SEPTIN4: variants seen among roughly 807,000 people sequenced by gnomAD.
SEPTIN4 encodes the protein septin 4.
SEPTIN4 carries 52 observed loss-of-function variants against 107.1 expected under a neutral mutation model. The ratio of observed to expected loss-of-function variants is 0.49; its 90% CI spans 0.39 to 0.61. The LOEUF (loss-of-function observed/expected upper bound fraction) is 0.61. Ranked by LOEUF, SEPTIN4 falls within the 20% of genes least tolerant of loss-of-function variation. The pLI is 0.00. For missense variants in SEPTIN4, 1,048 were observed against 1,243.5 expected, an observed-to-expected ratio of 0.84 and a Z score of 2.36; for synonymous variants, 417 against 467.0, an observed-to-expected ratio of 0.89 and a Z score of 1.38.
chr17:58,529,323 C>T (rs1350217835), intron 3 of SEPTIN4: 2 of 1,511,904 alleles, frequency 1.3e-6, no homozygotes, highest in Non-Finnish European at 1.8e-6. Flanking sequence ...TGACCCCCTT[C>T]TGTCTCTGGC....
At position 58,529,131 on chromosome 17, in the gene SEPTIN4, T is replaced by C. The variant is rs774841128; in HGVS notation, c.1615-2153A>G. 3.7e-6 allele frequency: 6 copies of C among 1,614,090 alleles called. No individual in the cohort carries two copies. The Admixed American group carries it at 8.3e-5, about 22-fold the overall frequency. ...GCACCTTACCCCAGCTTCAGTCCTG[T>C]CCTCAGGGACAGAATTCCCTTGCCA... On this transcript the variant is annotated intron_variant, in intron 3 of 13. Coordinates refer to ENST00000672673, the MANE Select transcript of SEPTIN4 (RefSeq NM_001368771.2).
chr17:58,541,912 A>G lies in SEPTIN4; in HGVS notation c.1606+10T>C. On this transcript the variant is annotated intron_variant, in intron 2 of 13. Coordinates refer to ENST00000672673, the MANE Select transcript of SEPTIN4 (RefSeq NM_001368771.2). ...CCCACAGTGGGCCCATAGGAGGGAA[A>G]AGCACAGACCTTTTAGCCACCAGAT... 1 of 1,614,062 alleles carries G rather than the reference A, an allele frequency of 6.2e-7. No individual in the cohort carries two copies. The highest frequency in any genetic ancestry group is 8.5e-7 in the Non-Finnish European group (1 of 1,179,974).
intron 3 of SEPTIN4, chr17:58,531,621 C>G (rs1017714336): frequency 5.8e-6 from 1 of 173,538 alleles, no homozygotes; most frequent in African/African-American, 2.4e-5. Flanking sequence ...GATGGGGACC[C>G]TCACCTCCGC....
At chr17:58,540,932 C>CCATT (rs1234591079) in intron 2 of SEPTIN4, 8 of 361,386 alleles carry the variant, frequency 2.2e-5, no homozygotes, top group Non-Finnish European at 3.9e-5. Context: ...TAAGAGGGAG[C>CCATT]CATTATTCTC....
At chr17:58,526,340 C>A in intron 4 of SEPTIN4, 27 bp from the exon 5 acceptor site, 1 of 1,510,414 alleles carries the variant, frequency 6.6e-7, no homozygotes, top group South Asian at 1.3e-5. Context: ...CAGAATGCAT[C>A]ACGGTGAGGA....
chr17:58,543,049 G>C lies in SEPTIN4; in HGVS notation c.1138C>G (p.Pro380Ala), dbSNP rs1314079544. The change falls in exon 1 of 14, where the codon CCA becomes GCA. Residue 380 changes from proline (P) to alanine (A), a missense_variant. Coordinates refer to ENST00000672673, the MANE Select transcript of SEPTIN4 (RefSeq NM_001368771.2). ...CCTTGGGACATGTAAGTAATTTCTG[G>C]GGGTTTTTGGGTTTGCTGTTTATAG... ...PIYKQQTQKP[P>A]EITYMSQGPT... 10 of 1,611,036 alleles carry C rather than the reference G, an allele frequency of 6.2e-6. No individual in the cohort carries two copies. The East Asian group carries it at 2.2e-4, about 36-fold the overall frequency.
At position 58,541,827 on chromosome 17, in the gene SEPTIN4, C is replaced by T. The variant is rs141193307; in HGVS notation, c.1606+95G>A. ...AAAATCCCAGCATTTATCTCCTAAACGACCCAGCTCTGTAGATACATAGAT... is the reference window on the plus strand; with the variant it reads ...AAAATCCCAGCATTTATCTCCTAAATGACCCAGCTCTGTAGATACATAGAT... On this transcript the variant is annotated intron_variant, in intron 2 of 13. Coordinates refer to ENST00000672673, the MANE Select transcript of SEPTIN4 (RefSeq NM_001368771.2). The T allele has an allele frequency of 5.0e-4, 800 of 1,613,094 alleles. 1 individual carries two copies. The highest frequency in any genetic ancestry group is 2.5e-3 in the African/African-American group (185 of 74,992).
intron 3 of SEPTIN4, chr17:58,539,267 G>T: frequency 8.7e-7 from 1 of 1,154,030 alleles, no homozygotes; most frequent in Non-Finnish European, 1.2e-6. Flanking sequence ...TGTTGCCAAG[G>T]CTTTTGACTT....
chr17:58,543,102 G>A lies in SEPTIN4; in HGVS notation c.1085C>T (p.Ser362Leu). Residue 362 changes from serine (S) to leucine (L), a missense_variant, in exon 1 of 14, where the codon TCA (serine) becomes TTA (leucine). This residue lies in a region of SEPTIN4 where 787 missense variants were observed against 871.8 expected (regional missense o/e 0.90). Transcript: ENST00000672673. ...VPSVSEGSHK[S>L]SMFVTPEPIY... ...GGGCTCTGGAGTAACAAACATGGAT[G>A]ACTTGTGGGAGCCCTCAGACACTGA... The A allele has an allele frequency of 6.2e-7, 1 of 1,612,562 alleles. No individual in the cohort carries two copies. The highest frequency in any genetic ancestry group is 8.5e-7 in the Non-Finnish European group (1 of 1,179,212).
intron 3 of SEPTIN4, among the ~76,000 whole-genome samples, chr17:58,536,876 G>A (rs2043731344): frequency 6.6e-6 from 1 of 152,226 alleles, no homozygotes; most frequent in South Asian, 2.1e-4. Context: ...CCTCACCCAA[G>A]TATGCACCCT....
chr17:58,522,654 C>CAAAAAAAA (rs1233539293), intron 7 of SEPTIN4, among the ~76,000 whole-genome samples: 2 of 52,668 alleles, frequency 3.8e-5, no homozygotes, highest in African/African-American at 6.5e-5. Context: ...CAGACTGTCA[C>CAAAAAAAA]AAAAAAAAAA....
At position 58,543,849 on chromosome 17, in the gene SEPTIN4, G is replaced by T. The variant is rs1449582158; in HGVS notation, c.338C>A (p.Ala113Asp). The T allele has an allele frequency of 1.4e-5, 22 of 1,614,056 alleles. No individual in the cohort carries two copies. The highest frequency in any genetic ancestry group is 1.9e-5 in the Non-Finnish European group (22 of 1,180,042). ...CCATTGTCTGCTTGAAGCATGGGAA[G>T]CCAGTGTCTGAGTCTTCTGGCTCTT... ...HLKSQKTQTL[A>D]SHASSRQWKV... is the part of the protein sequence containing the mutation. Residue 113 changes from alanine to aspartate, a missense_variant, in exon 1 of 14, where the codon GCT (alanine) becomes GAT (aspartate). Coordinates refer to ENST00000672673, the MANE Select transcript of SEPTIN4 (RefSeq NM_001368771.2).
intron 13 of SEPTIN4, 100 bp from the exon 14 acceptor site, chr17:58,520,585 G>T (rs1027947444): frequency 6.5e-7 from 1 of 1,533,060 alleles, no homozygotes; most frequent in Non-Finnish European, 9.0e-7. Flanking sequence ...AACCTTGGTA[G>T]CCGTGAGGTG....
intron 7 of SEPTIN4, among the ~76,000 whole-genome samples, chr17:58,523,592 C>A (rs1316385306): frequency 6.6e-6 from 1 of 151,780 alleles, no homozygotes; most frequent in African/African-American, 2.4e-5. Flanking sequence ...TGACTATAAG[C>A]CTCTCAGGGA....
chr17:58,526,506 G>A (rs996484399), intron 4 of SEPTIN4, 176 bp downstream of exon 4: 1 of 1,396,416 alleles, frequency 7.2e-7, no homozygotes, highest in Non-Finnish European at 9.3e-7. Flanking sequence ...CAGTGCCCTT[G>A]GGGGCAGATA....
chr17:58,529,540 C>G, intron 3 of SEPTIN4: 1 of 640,158 alleles, frequency 1.6e-6, no homozygotes, highest in South Asian at 7.0e-5. Context: ...CTGTTTGCAG[C>G]CAGGCTTTTG....
intron 3 of SEPTIN4, among the ~76,000 whole-genome samples, chr17:58,537,758 A>T (rs2043763843): frequency 6.8e-6 from 1 of 147,308 alleles, no homozygotes; most frequent in African/African-American, 2.5e-5. Flanking sequence ...TGAACCCAGA[A>T]GGCAGAGGTT....
rs554614178 is a variant in SEPTIN4 at position 58,541,424 on chromosome 17, C to T, written c.1606+498G>A. On this transcript the variant is annotated intron_variant, in intron 2 of 13. Coordinates refer to ENST00000672673, the MANE Select transcript of SEPTIN4 (RefSeq NM_001368771.2). ...GAGCTGCAAGACACACTGATGGCCT[C>T]AAGGGGGAGGCCCAGACATCTCTGA... Among the ~76,000 whole-genome samples, 14 of 152,270 alleles carry T rather than the reference C, an allele frequency of 9.2e-5. No homozygotes were observed. In the South Asian group the frequency reaches 2.9e-3, roughly 32 times the overall value.
rs1373413857 is a variant in SEPTIN4, at chr17:58,541,964, C to T, written c.1564G>A (p.Val522Ile). The T allele has an allele frequency of 6.2e-7, 1 of 1,613,750 alleles. No homozygotes were observed. The highest frequency in any genetic ancestry group is 8.5e-7 in the Non-Finnish European group (1 of 1,179,932). ...ACACGATTGTACATTTCCTCAGAGA[C>T]ATCTGAAAGTAACAGAGAGATGGTT... The part of the protein sequence containing the change: ...IQRFTAFFLD[V>I]SEEMYNRVIW... Residue 522 changes from valine (V) to isoleucine (I), a missense_variant and splice_region_variant, in exon 2 of 14, where the codon GTC becomes ATC. Transcript: ENST00000672673.
Sources: gnomAD v4.1 joint callset for allele counts (sites outside exome capture counted in the v4.1 genomes callset) on GRCh38, gnomAD v4.1.1 for gene constraint, gnomAD v4.1.1 regional missense constraint, MANE v1.5 for transcripts, NCBI Gene and HGNC (gene_info 2026-07-23, HGNC 2026-07-21) for gene names.